The following PTPRO variants were observed in gnomAD, a reference collection of about 807,000 sequenced individuals.
The protein encoded by PTPRO is receptor-type tyrosine-protein phosphatase O.
A neutral mutation model predicts 145.2 loss-of-function variants in PTPRO; 62 were observed. That is an observed-to-expected ratio of 0.43 (90% CI 0.35 to 0.53). The LOEUF is 0.53. Ranked by LOEUF, PTPRO falls within the 20% of genes least tolerant of loss-of-function variation. The pLI is 0.01. For synonymous variants in PTPRO, 565 were observed against 514.7 expected (o/e 1.10, Z -1.32); for missense variants, 1,345 against 1,482.7 (o/e 0.91, Z 1.53).
chr12:15,444,558 C>A (rs975879993), intron 1 of PTPRO, among the ~76,000 whole-genome samples: 1 of 152,026 alleles, frequency 6.6e-6, no homozygotes, highest in Non-Finnish European at 1.5e-5. Context: ...TTACATATAA[C>A]GCCATAGACA....
intron 20 of PTPRO, among the ~76,000 whole-genome samples, chr12:15,579,334 T>C (rs1944257846): frequency 6.6e-6 from 1 of 152,224 alleles, no homozygotes; most frequent in Admixed American, 6.5e-5. Context: ...TCTGACAAGT[T>C]ATATAGTTGC....
intron 8 of PTPRO, among the ~76,000 whole-genome samples, chr12:15,516,344 AAAAAAGAAAAG>A (rs1462866222): frequency 6.7e-6 from 1 of 150,268 alleles, no homozygotes; most frequent in African/African-American, 2.4e-5. Flanking sequence ...CTCAAAAAAA[AAAAAAGAAAAG>A]AAAGAAAAGA....
chr12:15,377,066 G>A (rs563537964), intron 1 of PTPRO, among the ~76,000 whole-genome samples: 11 of 152,248 alleles, frequency 7.2e-5, no homozygotes, highest in African/African-American at 2.6e-4. Flanking sequence ...AAGAGATGGG[G>A]AGAGAGTAGA....
chr12:15,513,539 A>G (rs1942512596), intron 7 of PTPRO, among the ~76,000 whole-genome samples: 1 of 152,218 alleles, frequency 6.6e-6, no homozygotes, highest in Non-Finnish European at 1.5e-5. Context: ...AGTTGTACCA[A>G]TTCAGATTAC....
At chr12:15,448,995 A>C (rs1016375966) in intron 1 of PTPRO, among the ~76,000 whole-genome samples, 1 of 137,092 alleles carries the variant, frequency 7.3e-6, no homozygotes, top group African/African-American at 2.5e-5. Context: ...GATAAAAGAA[A>C]AAGTTAGGCA....
chr12:15,548,421 A>G (rs1256873915), intron 13 of PTPRO, among the ~76,000 whole-genome samples: 1 of 152,176 alleles, frequency 6.6e-6, no homozygotes, highest in African/African-American at 2.4e-5. Context: ...AGCAGTTCAA[A>G]GAATGTGACA....
intron 1 of PTPRO, among the ~76,000 whole-genome samples, chr12:15,341,258 T>C (rs1866974062): frequency 6.6e-6 from 1 of 152,216 alleles, no homozygotes; most frequent in Admixed American, 6.5e-5. Context: ...TTTTAGTTTG[T>C]CCATGAGATA....
chr12:15,490,555 A>G (rs1271029624), intron 2 of PTPRO, among the ~76,000 whole-genome samples: 1 of 152,226 alleles, frequency 6.6e-6, no homozygotes, highest in East Asian at 1.9e-4. Flanking sequence ...TTAGCTCAAA[A>G]GTCAAACAAA....
intron 1 of PTPRO, among the ~76,000 whole-genome samples, chr12:15,383,044 A>C (rs1339480007): frequency 6.6e-6 from 1 of 152,220 alleles, no homozygotes; most frequent in Admixed American, 6.5e-5. Context: ...CACACTGTGC[A>C]ATAGATCAGC....
In PTPRO at chr12:15,598,203, T is replaced by C. The variant is rs1944695816; in HGVS notation, c.*2130T>C. ...AAGGTCACACTGTTCTCTGGAACAC[T>C]GTTGCTCTTCAGTTTGTAGAGTTTA... On this transcript the variant is annotated 3_prime_UTR_variant, in exon 27 of 27. Transcript: ENST00000281171. 6.6e-6 allele frequency among the ~76,000 whole-genome samples: 1 copy of C among 152,204 alleles called. No homozygotes were observed. Among genetic ancestry groups the C allele is most frequent in the African/African-American group, 2.4e-5 (1 of 41,452 alleles).
At chr12:15,511,516 T>C (rs1294793827) in intron 7 of PTPRO, among the ~76,000 whole-genome samples, 1 of 152,250 alleles carries the variant, frequency 6.6e-6, no homozygotes. Flanking sequence ...TTAAAAAGTA[T>C]AATATCCCTA....
At chr12:15,568,422 T>A (rs1943957404) in intron 18 of PTPRO, among the ~76,000 whole-genome samples, 1 of 144,602 alleles carries the variant, frequency 6.9e-6, no homozygotes. Flanking sequence ...AGAGTGAGAC[T>A]CTGTCTCAAA....
intron 1 of PTPRO, among the ~76,000 whole-genome samples, chr12:15,425,797 A>G (rs1940269597): frequency 6.6e-6 from 1 of 152,066 alleles, no homozygotes; most frequent in Non-Finnish European, 1.5e-5. Context: ...CTTCACTAAT[A>G]CCATACATTG....
chr12:15,389,655 T>A (rs527786577), intron 1 of PTPRO, among the ~76,000 whole-genome samples: 2 of 152,320 alleles, frequency 1.3e-5, no homozygotes, highest in Admixed American at 6.5e-5. Context: ...CCCAATCCCA[T>A]CCTTTCACCT....
intron 1 of PTPRO, among the ~76,000 whole-genome samples, chr12:15,434,654 G>A (rs1940545841): frequency 6.6e-6 from 1 of 152,064 alleles, no homozygotes; most frequent in Non-Finnish European, 1.5e-5. Context: ...TTAATTTATG[G>A]TAGGCTTTTC....
Position 15,322,621 on chromosome 12 carries a change from C to T in PTPRO, c.-106C>T. 1.0e-6 allele frequency: 1 copy of T among 970,768 alleles called. No homozygotes were observed. The highest frequency in any genetic ancestry group is 1.6e-6 in the Non-Finnish European group (1 of 619,434). The allele number at this position is 970,768 out of a possible 1,614,324, so 60.1% of individuals were successfully genotyped here. A position where few individuals can be genotyped will look rare whatever the true frequency, so the allele number is the denominator to read the frequency against. On this transcript the variant is annotated 5_prime_UTR_variant, in exon 1 of 27. Coordinates refer to ENST00000281171, the MANE Select transcript of PTPRO (RefSeq NM_030667.3). This position sits in a 1 kb window ranked among gnomAD's most constrained non-coding sequence, Gnocchi z 6.3. ...GGCAGCATGCGCTCGCCAGGAGCAA[C>T]CTCGGCGCCCAGGGTCTGAGGCTGC...
chr12:15,589,625 C>T, intron 25 of PTPRO, 35 bp downstream of exon 25: 1 of 1,612,300 alleles, frequency 6.2e-7, no homozygotes, highest in Non-Finnish European at 8.5e-7. Context: ...TTTAAATTTT[C>T]CCTGGACTGA....
At chr12:15,486,293 C>A (rs12426752) in intron 2 of PTPRO, among the ~76,000 whole-genome samples, 31,552 of 152,056 alleles carry the variant, frequency 0.21, 4,120 homozygotes, top group Admixed American at 0.31. Flanking sequence ...TATGTAATGT[C>A]CCTCTATATT....
chr12:15,426,896 AATAT>A (rs1168673305), intron 1 of PTPRO, among the ~76,000 whole-genome samples: 1 of 152,006 alleles, frequency 6.6e-6, no homozygotes, highest in African/African-American at 2.4e-5. Flanking sequence ...ATTGACTGTT[AATAT>A]ATTATTATCA....
Sources: allele counts gnomAD v4.1 joint callset (sites outside exome capture counted in the v4.1 genomes callset), GRCh38; gene constraint gnomAD v4.1.1; non-coding constraint Gnocchi (gnomAD v3.1); transcripts MANE v1.5; gene names NCBI Gene and HGNC (gene_info 2026-07-23, HGNC 2026-07-21).